The following SH3PXD2B variants were observed in gnomAD, a reference collection of about 807,000 sequenced individuals.
The protein encoded by SH3PXD2B is SH3 and PX domain-containing protein 2B.
In SH3PXD2B, 37 loss-of-function variants were observed where a neutral mutation model predicts 73.1. The observed-to-expected ratio is 0.51, with a 90% CI of 0.39 to 0.67. The LOEUF (loss-of-function observed/expected upper bound fraction) is 0.67. Among genes scored for constraint, SH3PXD2B ranks in the 30% least tolerant of loss-of-function variants. The pLI, the probability that SH3PXD2B is intolerant of heterozygous loss-of-function variation, is 0.00. For missense variants in SH3PXD2B, 1,053 were observed against 1,197.8 expected (o/e 0.88, Z 1.78); for synonymous variants, 457 against 480.5 (o/e 0.95, Z 0.64).
At chr5:172,386,609 T>C (rs1308170664) in intron 4 of SH3PXD2B, among the ~76,000 whole-genome samples, 2 of 147,126 alleles carry the variant, frequency 1.4e-5, no homozygotes, top group African/African-American at 5.1e-5. Context: ...GGCAGGCACA[T>C]GATACCCATT....
rs1757202845 is a variant in SH3PXD2B, at chr5:172,353,479, C to G, written c.785+409G>C. ...ACCATTGGACTTTGAGAGACGAGGG[C>G]AGATTATCAGCCTAGGACGAATTAC... On this transcript the variant is annotated intron_variant, in intron 9 of 12. Transcript: ENST00000311601. This position sits in a 1 kb window ranked among gnomAD's most constrained non-coding sequence, Gnocchi z 4.3. 1.3e-5 allele frequency among the ~76,000 whole-genome samples: 2 copies of G among 152,180 alleles called. No individual in the cohort carries two copies. Among genetic ancestry groups the G allele is most frequent in the South Asian group, 4.1e-4 (2 of 4,830 alleles).
At chr5:172,407,658 G>A (rs7704323) in intron 2 of SH3PXD2B, among the ~76,000 whole-genome samples, 78,858 of 152,112 alleles carry the variant, frequency 0.52, 22,472 homozygotes, top group African/African-American at 0.75. Context: ...TCTGGCACTT[G>A]AGATCTGTCC....
In SH3PXD2B at chr5:172,404,270, A is replaced by T. The variant is rs192891676; in HGVS notation, c.232+2007T>A. Reference sequence around the variant, plus strand: ...TTGTGTGACCCAGGGAGTCCCCCCAATCTCTAGACCTGTTCCCTTTGCTGA... The same window carrying T: ...TTGTGTGACCCAGGGAGTCCCCCCATTCTCTAGACCTGTTCCCTTTGCTGA... On this transcript the variant is annotated intron_variant, in intron 3 of 12. Coordinates refer to ENST00000311601, the MANE Select transcript of SH3PXD2B (RefSeq NM_001017995.3). 2.6e-4 allele frequency among the ~76,000 whole-genome samples: 40 copies of T among 152,140 alleles called. 1 individual carries two copies. The East Asian group carries it at 5.6e-3, about 21-fold the overall frequency.
chr5:172,375,605 T>C (rs1561911965), intron 5 of SH3PXD2B, among the ~76,000 whole-genome samples: 1 of 152,218 alleles, frequency 6.6e-6, no homozygotes, highest in Non-Finnish European at 1.5e-5. Context: ...AATCATATAA[T>C]GTGTGGCCTT....
chr5:172,361,341 T>C (rs1757400456), intron 7 of SH3PXD2B, among the ~76,000 whole-genome samples: 2 of 152,118 alleles, frequency 1.3e-5, no homozygotes, highest in Admixed American at 1.3e-4. Flanking sequence ...ATCATTAATC[T>C]TCTAAGAATA....
chr5:172,335,439 C>CG lies in SH3PXD2B; in HGVS notation c.*2929_*2930insC. Reference sequence around the variant, plus strand: ...GAGGGAAAGAACAACAACAACAAAACCAAACAAACCCAAACTCGAGATCTC... The same window carrying CG: ...GAGGGAAAGAACAACAACAACAAAACGCAAACAAACCCAAACTCGAGATCTC... On this transcript the variant is annotated 3_prime_UTR_variant, in exon 13 of 13. Coordinates refer to ENST00000311601, the MANE Select transcript of SH3PXD2B (RefSeq NM_001017995.3). 4 of 1,111,416 alleles carry CG rather than the reference C, an allele frequency of 3.6e-6. No homozygotes were observed. The highest frequency in any genetic ancestry group is 4.3e-6 in the Non-Finnish European group (4 of 934,090). 68.8% of individuals were successfully genotyped at this position (1,111,416 alleles called of 1,614,324 possible).
At chr5:172,371,296 T>C (rs554169449) in intron 6 of SH3PXD2B, among the ~76,000 whole-genome samples, 39 of 152,346 alleles carry the variant, frequency 2.6e-4, no homozygotes, top group African/African-American at 9.4e-4. Flanking sequence ...GTTCCTCAAA[T>C]AATTGCATGA....
chr5:172,354,749 A>G (rs1285216264), intron 8 of SH3PXD2B, among the ~76,000 whole-genome samples: 5 of 152,132 alleles, frequency 3.3e-5, no homozygotes, highest in African/African-American at 4.8e-5. Context: ...AATCATGTTC[A>G]AGTCTTTGAA....
intron 1 of SH3PXD2B, among the ~76,000 whole-genome samples, chr5:172,441,325 G>T (rs987081391): frequency 6.6e-6 from 1 of 152,246 alleles, no homozygotes; most frequent in Non-Finnish European, 1.5e-5. Flanking sequence ...TGCCTCCAAA[G>T]CCTGCAGCTT....
chr5:172,419,602 C>T (rs1049996574), intron 2 of SH3PXD2B, among the ~76,000 whole-genome samples: 1 of 152,150 alleles, frequency 6.6e-6, no homozygotes, highest in Non-Finnish European at 1.5e-5. Flanking sequence ...CATGGGAGAT[C>T]CTGAGGCTAC....
Position 172,454,314 on chromosome 5 carries a change from T to A in SH3PXD2B, c.39A>T (p.Leu13=), listed in dbSNP as rs1454127239. 1 of 1,595,652 alleles carries A rather than the reference T, an allele frequency of 6.3e-7. No individual in the cohort carries two copies. Among genetic ancestry groups the A allele is most frequent in the Non-Finnish European group, 8.5e-7 (1 of 1,173,730 alleles). Residue 13 remains leucine (L), a synonymous_variant, in exon 1 of 13, where the codon CTA becomes CTT. Coordinates refer to ENST00000311601, the MANE Select transcript of SH3PXD2B (RefSeq NM_001017995.3). ...PRRSIVEVKV[L]DVQKRRVPNK... ...TGGGCACCCGCCGCTTCTGCACGTC[T>A]AGCACCTTCACCTCCACGATGCTGC...
chr5:172,418,696 G>A (rs1469078850), intron 2 of SH3PXD2B, among the ~76,000 whole-genome samples: 1 of 152,186 alleles, frequency 6.6e-6, no homozygotes, highest in African/African-American at 2.4e-5. Context: ...GGATAAGCAG[G>A]ACCCTCTGGA....
intron 5 of SH3PXD2B, among the ~76,000 whole-genome samples, chr5:172,374,432 A>G (rs1157429199): frequency 6.6e-6 from 1 of 152,246 alleles, no homozygotes; most frequent in African/African-American, 2.4e-5. Context: ...CTGTAATCCC[A>G]GCACTTTGGG....
chr5:172,453,831 GC>G (rs1012939297), intron 1 of SH3PXD2B, among the ~76,000 whole-genome samples: 1 of 152,202 alleles, frequency 6.6e-6, no homozygotes, highest in African/African-American at 2.4e-5. Context: ...CCCTAGAGGG[GC>G]TACCTGTGGC....
In SH3PXD2B at chr5:172,337,166, G is replaced by C. The variant is rs1272655969; in HGVS notation, c.*1203C>G. 1 of 985,424 alleles carries C rather than the reference G, an allele frequency of 1.0e-6. No homozygotes were observed. Among genetic ancestry groups the C allele is most frequent in the East Asian group, 1.1e-4 (1 of 8,812 alleles). 61.0% of individuals were successfully genotyped at this position (985,424 alleles called of 1,614,324 possible). A position where few individuals can be genotyped will look rare whatever the true frequency, so the allele number is the denominator to read the frequency against. Reference sequence around the variant, plus strand: ...CCTGTCATGGAGATGCAGCTGTTGAGTCCAGGGCAGCCTTTGGTATAGGCT... The same window carrying C: ...CCTGTCATGGAGATGCAGCTGTTGACTCCAGGGCAGCCTTTGGTATAGGCT... On this transcript the variant is annotated 3_prime_UTR_variant, in exon 13 of 13. Coordinates refer to ENST00000311601, the MANE Select transcript of SH3PXD2B (RefSeq NM_001017995.3).
intron 5 of SH3PXD2B, among the ~76,000 whole-genome samples, chr5:172,379,967 CTG>C (rs904455430): frequency 5.3e-5 from 8 of 152,214 alleles, no homozygotes. Context: ...CTCTTCCAAA[CTG>C]TGCCTCTCTT....
chr5:172,376,192 GCT>G (rs796753936), intron 5 of SH3PXD2B, among the ~76,000 whole-genome samples: 74 of 152,080 alleles, frequency 4.9e-4, no homozygotes, highest in African/African-American at 1.6e-3. Context: ...ACCACGCCTG[GCT>G]CTTTTTGTAT....
downstream of SH3PXD2B, among the ~76,000 whole-genome samples, chr5:172,332,673 A>G (rs1401593058): frequency 1.3e-5 from 2 of 152,246 alleles, no homozygotes; most frequent in African/African-American, 2.4e-5. Context: ...TGAATATTGC[A>G]TGTATATCCC....
chr5:172,369,242 GT>G (rs138212607), intron 6 of SH3PXD2B, among the ~76,000 whole-genome samples: 5,939 of 146,106 alleles, frequency 0.041, 184 homozygotes, highest in South Asian at 0.18. Context: ...TGTTTGTTTT[GT>G]TTTTTTTTTA....
Sources: allele counts gnomAD v4.1 joint callset (sites outside exome capture counted in the v4.1 genomes callset), GRCh38; gene constraint gnomAD v4.1.1; non-coding constraint Gnocchi (gnomAD v3.1); transcripts MANE v1.5; gene names NCBI Gene and HGNC (gene_info 2026-07-23, HGNC 2026-07-21).